SUCLG1: variants seen among roughly 807,000 people sequenced by gnomAD.
The protein encoded by SUCLG1 is succinate-CoA ligase GDP/ADP-forming subunit alpha, also known as succinate--CoA ligase [ADP/GDP-forming] subunit alpha, mitochondrial.
SUCLG1 carries 26 observed loss-of-function variants against 37.3 expected under a neutral mutation model. That is an observed-to-expected ratio of 0.70 (90% CI 0.51 to 0.97). The LOEUF (loss-of-function observed/expected upper bound fraction) is 0.97. Ranked by LOEUF, SUCLG1 falls within the 50% of genes least tolerant of loss-of-function variation. The pLI, the probability that SUCLG1 is intolerant of heterozygous loss-of-function variation, is 0.00. For synonymous variants in SUCLG1, 163 were observed against 155.6 expected (o/e 1.05, Z -0.36); for missense variants, 433 against 432.9 (o/e 1.00, Z 0.00).
chr2:84,454,224 T>C (rs537412392), intron 1 of SUCLG1, among the ~76,000 whole-genome samples: 1 of 152,384 alleles, frequency 6.6e-6, no homozygotes, highest in Admixed American at 6.5e-5. Context: ...CTTGTGTACA[T>C]CTTATATGTT....
intron 1 of SUCLG1, among the ~76,000 whole-genome samples, chr2:84,452,606 T>C (rs1035089340): frequency 6.6e-6 from 1 of 152,082 alleles, no homozygotes; most frequent in Non-Finnish European, 1.5e-5. Context: ...CATCACACAC[T>C]ACATTACTGA....
intron 3 of SUCLG1, among the ~76,000 whole-genome samples, chr2:84,443,007 A>ACATT (rs1672797908): frequency 6.6e-6 from 1 of 152,226 alleles, no homozygotes; most frequent in African/African-American, 2.4e-5. Context: ...GTGGTTGCTG[A>ACATT]CATTTGTACT....
intron 1 of SUCLG1, among the ~76,000 whole-genome samples, chr2:84,456,201 G>T (rs917853102): frequency 6.6e-6 from 1 of 152,028 alleles, no homozygotes; most frequent in Non-Finnish European, 1.5e-5. Context: ...CTTTGAGCAG[G>T]ATAGTCACCT....
intron 1 of SUCLG1, among the ~76,000 whole-genome samples, chr2:84,452,797 C>T (rs1672960327): frequency 6.6e-6 from 1 of 152,146 alleles, no homozygotes; most frequent in African/African-American, 2.4e-5. Flanking sequence ...TGGTCAGTGC[C>T]TTACACACAG....
In SUCLG1 at chr2:84,441,134, TAAAA is replaced by T. The variant is rs34359115; in HGVS notation, c.532-34_532-31del. 4.7e-6 allele frequency: 7 copies of T among 1,493,824 alleles called. No individual in the cohort carries two copies. In the African/African-American group the frequency reaches 7.0e-5, roughly 15 times the overall value. 92.5% of individuals were successfully genotyped at this position (1,493,824 alleles called of 1,614,324 possible). ...AAGTAATCATAGTTTTCAGAAATGT[TAAAA>T]AAAAAAGTCACTCACAGGTCATACA... On this transcript the variant is annotated intron_variant, in intron 4 of 8. Transcript: ENST00000393868.
chr2:84,424,485 A>C (rs1672502308), intron 8 of SUCLG1, among the ~76,000 whole-genome samples: 1 of 152,192 alleles, frequency 6.6e-6, no homozygotes, highest in African/African-American at 2.4e-5. Flanking sequence ...TTTGGCACAT[A>C]GTGTTATATT....
intron 1 of SUCLG1, among the ~76,000 whole-genome samples, chr2:84,450,659 G>A (rs2104265259): frequency 6.6e-6 from 1 of 152,168 alleles, no homozygotes; most frequent in South Asian, 2.1e-4. Flanking sequence ...AGCCCATGAA[G>A]CTAGCCCAAG....
chr2:84,449,417 T>C (rs988119138), intron 2 of SUCLG1, among the ~76,000 whole-genome samples: 1 of 152,128 alleles, frequency 6.6e-6, no homozygotes, highest in Non-Finnish European at 1.5e-5. Flanking sequence ...TCCAAAACAA[T>C]ATACTCCTAG....
chr2:84,434,944 C>A (rs528766305), intron 5 of SUCLG1, among the ~76,000 whole-genome samples: 5 of 152,304 alleles, frequency 3.3e-5, no homozygotes, highest in South Asian at 4.1e-4. Context: ...GTAACTTAGT[C>A]ATTGCTAAGC....
chr2:84,428,384 T>C (rs569430542), intron 7 of SUCLG1, among the ~76,000 whole-genome samples: 2 of 152,326 alleles, frequency 1.3e-5, no homozygotes, highest in African/African-American at 4.8e-5. Flanking sequence ...ACAGAGGTTA[T>C]ATTTTCACTA....
At chr2:84,438,021 AT>A (rs1164640711) in intron 5 of SUCLG1, among the ~76,000 whole-genome samples, 1 of 152,202 alleles carries the variant, frequency 6.6e-6, no homozygotes, top group East Asian at 1.9e-4. Context: ...AAATTATACA[AT>A]TGGAGAGTAG....
chr2:84,434,192 C>T (rs1672650838), intron 5 of SUCLG1, among the ~76,000 whole-genome samples: 1 of 152,166 alleles, frequency 6.6e-6, no homozygotes, highest in African/African-American at 2.4e-5. Context: ...TCAGATATTC[C>T]TTTGTAGCAA....
intron 5 of SUCLG1, among the ~76,000 whole-genome samples, chr2:84,435,049 T>C (rs886150907): frequency 6.6e-6 from 1 of 152,234 alleles, no homozygotes; most frequent in Admixed American, 6.5e-5. Flanking sequence ...CACGTGGAAC[T>C]CTGCTCTAAC....
At chr2:84,450,145 C>T (rs1205357734) in intron 1 of SUCLG1, among the ~76,000 whole-genome samples, 3 of 152,094 alleles carry the variant, frequency 2.0e-5, no homozygotes, top group South Asian at 2.1e-4. Flanking sequence ...TAAACAGCCA[C>T]GTTTCCCCAC....
At chr2:84,458,297 C>T (rs1025643240) in intron 1 of SUCLG1, among the ~76,000 whole-genome samples, 1 of 152,040 alleles carries the variant, frequency 6.6e-6, no homozygotes, top group African/African-American at 2.4e-5. Context: ...AGTGATGGTG[C>T]TTCAGGCCCC....
At chr2:84,439,032 A>G (rs1279641872) in intron 5 of SUCLG1, among the ~76,000 whole-genome samples, 1 of 152,106 alleles carries the variant, frequency 6.6e-6, no homozygotes, top group Non-Finnish European at 1.5e-5. Flanking sequence ...ACTCTTCACA[A>G]TAAATCTTGC....
intron 7 of SUCLG1, 75 bp from the exon 8 acceptor site, chr2:84,425,678 C>T: frequency 6.5e-7 from 1 of 1,537,574 alleles, no homozygotes; most frequent in Non-Finnish European, 9.0e-7. Flanking sequence ...CATGACTCTG[C>T]TGGTAAATGG....
chr2:84,423,727 T>C lies in SUCLG1; in HGVS notation c.*19A>G, dbSNP rs896636398. 6 of 1,596,714 alleles carry C rather than the reference T, an allele frequency of 3.8e-6. No individual in the cohort carries two copies. In the African/African-American group the frequency reaches 5.3e-5, roughly 14 times the overall value. Reference sequence around the variant, plus strand: ...GTCTACGTGATCCATTCCACAGTTTTAGGAATTTTTTTTTTCTTTCATAGC... The same window carrying C: ...GTCTACGTGATCCATTCCACAGTTTCAGGAATTTTTTTTTTCTTTCATAGC... On this transcript the variant is annotated 3_prime_UTR_variant, in exon 9 of 9. Transcript: ENST00000393868.
At chr2:84,439,085 A>G (rs1477120639) in intron 5 of SUCLG1, among the ~76,000 whole-genome samples, 1 of 152,116 alleles carries the variant, frequency 6.6e-6, no homozygotes, top group African/African-American at 2.4e-5. Context: ...AAGAGCTGTA[A>G]CACTCACTGC....
Sources: allele counts gnomAD v4.1 joint callset (sites outside exome capture counted in the v4.1 genomes callset), GRCh38; gene constraint gnomAD v4.1.1; transcripts MANE v1.5; gene names NCBI Gene and HGNC (gene_info 2026-07-23, HGNC 2026-07-21).